HUWE1: variants seen among roughly 807,000 people sequenced by gnomAD.
HUWE1 encodes the protein HECT, UBA and WWE domain containing E3 ubiquitin protein ligase 1.
HUWE1 carries 18 observed loss-of-function variants against 299.4 expected under a neutral mutation model. The observed-to-expected ratio is 0.06, with a 90% CI of 0.04 to 0.09. The LOEUF (loss-of-function observed/expected upper bound fraction) is 0.09. Ranked by LOEUF, HUWE1 falls within the 10% of genes least tolerant of loss-of-function variation. The pLI, the probability that HUWE1 is intolerant of heterozygous loss-of-function variation, is 1.00. For synonymous variants in HUWE1, 1,317 were observed against 1,286.1 expected (o/e 1.02, Z -0.51); for missense variants, 1,832 against 3,462.3 (o/e 0.53, Z 11.82).
chrX:53,634,520 T>C (rs1026217692), intron 7 of HUWE1, among the ~76,000 whole-genome samples: 1 of 112,188 alleles, frequency 8.9e-6, no homozygotes, highest in African/African-American at 3.2e-5. Flanking sequence ...AATAAGAACT[T>C]AAGAATCAAG....
At chrX:53,618,595 C>A (rs1327337082) in intron 19 of HUWE1, among the ~76,000 whole-genome samples, 1 of 102,776 alleles carries the variant, frequency 9.7e-6, no homozygotes. Context: ...GACGGAGTCT[C>A]ACTCTGTCGC....
At chrX:53,657,910 G>A (rs988060312) in intron 3 of HUWE1, among the ~76,000 whole-genome samples, 5 of 108,110 alleles carry the variant, frequency 4.6e-5, no homozygotes, top group African/African-American at 1.3e-4. Flanking sequence ...TTAGCCAGGC[G>A]TGGTGGCGGG....
intron 81 of HUWE1, among the ~76,000 whole-genome samples, 169 bp downstream of exon 81, chrX:53,535,215 G>A (rs1433551961): frequency 1.8e-5 from 2 of 112,208 alleles, no homozygotes; most frequent in African/African-American, 6.5e-5. Flanking sequence ...GATTATAGGT[G>A]TGAGCCACCG....
intron 25 of HUWE1, among the ~76,000 whole-genome samples, chrX:53,606,628 T>C (rs782084247): frequency 5.4e-5 from 6 of 111,809 alleles, no homozygotes; most frequent in Non-Finnish European, 1.1e-4. Flanking sequence ...ATACACACAA[T>C]GGAATATTAT....
intron 29 of HUWE1, among the ~76,000 whole-genome samples, chrX:53,596,476 A>G (rs957675707): frequency 1.8e-5 from 2 of 112,592 alleles, no homozygotes; most frequent in Middle Eastern, 4.6e-3. Flanking sequence ...ATACACTTAT[A>G]CACGGTGCCA....
At chrX:53,621,902 C>T (rs1160761525) in intron 19 of HUWE1, among the ~76,000 whole-genome samples, 1 of 111,987 alleles carries the variant, frequency 8.9e-6, no homozygotes, top group Middle Eastern at 4.2e-3. Flanking sequence ...AGCATGATGA[C>T]GTTAGCATAG....
chrX:53,685,541 T>C (rs1341740927), intron 2 of HUWE1, among the ~76,000 whole-genome samples: 3 of 112,445 alleles, frequency 2.7e-5, no homozygotes, highest in African/African-American at 9.7e-5. Context: ...ATATAAACTA[T>C]TGATATTTGC....
chrX:53,674,607 C>CT (rs1557050491), intron 3 of HUWE1, among the ~76,000 whole-genome samples: 2 of 112,067 alleles, frequency 1.8e-5, no homozygotes, highest in African/African-American at 3.2e-5. Flanking sequence ...TCATGAAGTA[C>CT]TTTTCATTTA....
rs1209719577 is a variant in HUWE1 at position 53,634,310 on chromosome X, A to C, written c.505-12T>G. The C allele has an allele frequency of 8.4e-7, 1 of 1,185,769 alleles. No homozygotes were observed. The highest frequency in any genetic ancestry group is 1.8e-5 in the African/African-American group (1 of 56,728). ...TTTCCACCCCAGCTCTTGAAAAAGGAAAAAGATAGTGTTAAGACAGTGCTT... is the reference window on the plus strand; with the variant it reads ...TTTCCACCCCAGCTCTTGAAAAAGGCAAAAGATAGTGTTAAGACAGTGCTT... On this transcript the variant is annotated splice_polypyrimidine_tract_variant and intron_variant, in intron 7 of 83. Coordinates refer to ENST00000262854, the MANE Select transcript of HUWE1 (RefSeq NM_031407.7).
chrX:53,644,570 G>A (rs1603241611), intron 7 of HUWE1, among the ~76,000 whole-genome samples: 1 of 112,023 alleles, frequency 8.9e-6, no homozygotes, highest in African/African-American at 3.2e-5. Context: ...TTGACATTTT[G>A]TCTACATTTT....
At chrX:53,581,175 A>G in intron 42 of HUWE1, 149 bp from the exon 43 acceptor site, 1 of 492,418 alleles carries the variant, frequency 2.0e-6, no homozygotes, top group Non-Finnish European at 3.3e-6. Context: ...TTGATTCAAA[A>G]AACCTGGCTT....
At chrX:53,542,845 T>TGTGTG (rs2061399554) in intron 73 of HUWE1, 3 of 164,034 alleles carry the variant, frequency 1.8e-5, no homozygotes, top group South Asian at 7.8e-5. Context: ...TCTTCTTCTG[T>TGTGTG]TGTGTGTGTG....
chrX:53,617,197 C>CAT, intron 20 of HUWE1, 50 bp from the exon 21 acceptor site: 1 of 1,130,220 alleles, frequency 8.8e-7, no homozygotes, highest in Non-Finnish European at 1.2e-6. Flanking sequence ...AGTGTAGATG[C>CAT]TAGGAAAATC....
intron 34 of HUWE1, 41 bp from the exon 35 acceptor site, chrX:53,590,540 A>G (rs782680162): frequency 2.0e-6 from 2 of 977,475 alleles, no homozygotes; most frequent in Non-Finnish European, 2.9e-6. Context: ...TACACACTCA[A>G]AACAAAGAAA....
chrX:53,534,164 C>T lies in HUWE1; in HGVS notation c.12865G>A (p.Asp4289Asn), dbSNP rs1556909422. Residue 4289 changes from aspartate (D) to asparagine (N), a missense_variant, in exon 83 of 84, where the codon GAT (aspartate) becomes AAT (asparagine). Physicochemically the swap from Asp to Asn is conservative, Grantham distance 23. This residue lies in a region of HUWE1 where 129 missense variants were observed against 439.4 expected (regional missense o/e 0.29). Coordinates refer to ENST00000262854, the MANE Select transcript of HUWE1 (RefSeq NM_031407.7). Reference sequence around the variant, plus strand: ...AGGAACTTGGCACGGTCAGCTTGATCGAAAGAACGCAATGCTCTCCAGAAC... The same window carrying T: ...AGGAACTTGGCACGGTCAGCTTGATTGAAAGAACGCAATGCTCTCCAGAAC... ...QWFWRALRSF[D>N]QADRAKFLQF... The T allele has an allele frequency of 7.4e-6, 9 of 1,210,158 alleles. No individual in the cohort carries two copies. Among genetic ancestry groups the T allele is most frequent in the Non-Finnish European group, 7.8e-6 (7 of 894,753 alleles).
intron 7 of HUWE1, among the ~76,000 whole-genome samples, chrX:53,635,098 TCAGG>T (rs1255194850): frequency 1.8e-5 from 2 of 110,836 alleles, no homozygotes; most frequent in African/African-American, 6.5e-5. Context: ...GGCATATAGT[TCAGG>T]CAAACAATTG....
rs186948542 is a variant in HUWE1 at position 53,581,795 on chromosome X, G to T, written c.5521-769C>A. Among the ~76,000 whole-genome samples, 292 of 111,278 alleles carry T rather than the reference G, an allele frequency of 2.6e-3. 1 individual carries two copies. Among genetic ancestry groups the T allele is most frequent in the Middle Eastern group, 0.014 (3 of 215 alleles). On this transcript the variant is annotated intron_variant, in intron 42 of 83. Coordinates refer to ENST00000262854, the MANE Select transcript of HUWE1 (RefSeq NM_031407.7). ...AGAAAAGTTTAATTTCAATATTAAG[G>T]ATAAGCCATAATTTATCCAGCCCCC...
chrX:53,623,000 T>C (rs1408731067), intron 19 of HUWE1, among the ~76,000 whole-genome samples: 2 of 111,748 alleles, frequency 1.8e-5, no homozygotes, highest in Non-Finnish European at 3.8e-5. Flanking sequence ...GAGGTTGCTA[T>C]GCTAATTTAA....
intron 57 of HUWE1, 137 bp downstream of exon 57, chrX:53,559,217 C>A (rs1223677543): frequency 2.2e-5 from 18 of 804,178 alleles, no homozygotes; most frequent in Non-Finnish European, 3.0e-5. Context: ...TTTTGTTGCC[C>A]ATGGCTAAGT....
Sources: allele counts gnomAD v4.1 joint callset (sites outside exome capture counted in the v4.1 genomes callset), GRCh38; gene constraint gnomAD v4.1.1; regional missense constraint gnomAD v4.1.1; transcripts MANE v1.5; gene names NCBI Gene and HGNC (gene_info 2026-07-23, HGNC 2026-07-21).